ERGIC1: variants seen among roughly 807,000 people sequenced by gnomAD.
The protein encoded by ERGIC1 is endoplasmic reticulum-Golgi intermediate compartment protein 1.
A neutral mutation model predicts 38.3 loss-of-function variants in ERGIC1; 19 were observed. That is an observed-to-expected ratio of 0.50 (90% CI 0.35 to 0.73). ERGIC1 has a LOEUF of 0.73. Among genes scored for constraint, ERGIC1 ranks in the 30% least tolerant of loss-of-function variants. The pLI, the probability that ERGIC1 is intolerant of heterozygous loss-of-function variation, is 0.01. For synonymous variants in ERGIC1, 124 were observed against 157.6 expected (o/e 0.79, Z 1.60); for missense variants, 294 against 389.2 (o/e 0.76, Z 2.06).
intron 3 of ERGIC1, among the ~76,000 whole-genome samples, chr5:172,904,005 A>G (rs1346990786): frequency 6.7e-6 from 1 of 149,962 alleles, no homozygotes; most frequent in Admixed American, 6.6e-5. Context: ...TCACACTAAC[A>G]TACACACACT....
intron 1 of ERGIC1, among the ~76,000 whole-genome samples, chr5:172,855,103 G>A (rs573092369): frequency 2.0e-5 from 3 of 152,254 alleles, no homozygotes; most frequent in African/African-American, 4.8e-5. Flanking sequence ...TTCCCCCAAC[G>A]GACAGTGGTG....
intron 1 of ERGIC1, among the ~76,000 whole-genome samples, chr5:172,865,051 C>CTTTTTTTTTTTTTTTT (rs55657045): frequency 1.1e-5 from 1 of 93,852 alleles, no homozygotes; most frequent in Non-Finnish European, 2.2e-5. Context: ...GAAAGAAATT[C>CTTTTTTTTTTTTTTTT]TTTTTTTTTT....
At chr5:172,889,114 G>A (rs1327357243) in intron 2 of ERGIC1, among the ~76,000 whole-genome samples, 5 of 152,094 alleles carry the variant, frequency 3.3e-5, no homozygotes, top group Non-Finnish European at 5.9e-5. Flanking sequence ...CTGAAACCCC[G>A]TCTCTATTAA....
At chr5:172,863,922 G>A (rs1444356396) in intron 1 of ERGIC1, among the ~76,000 whole-genome samples, 3 of 152,150 alleles carry the variant, frequency 2.0e-5, no homozygotes, top group East Asian at 3.9e-4. Context: ...ATGGCCGGGC[G>A]CGGTGGCTCA....
intron 1 of ERGIC1, among the ~76,000 whole-genome samples, chr5:172,844,676 C>A (rs780844798): frequency 6.6e-6 from 1 of 152,180 alleles, no homozygotes; most frequent in African/African-American, 2.4e-5. Context: ...CCCTCCCACC[C>A]GGGGCCTGGC....
intron 6 of ERGIC1, among the ~76,000 whole-genome samples, chr5:172,925,858 A>C (rs1763638833): frequency 1.3e-5 from 2 of 152,176 alleles, no homozygotes; most frequent in South Asian, 4.1e-4. Flanking sequence ...CCTTGAGGCC[A>C]ACCTGGTTTC....
intron 6 of ERGIC1, 88 bp downstream of exon 6, chr5:172,924,197 A>G: frequency 8.1e-7 from 1 of 1,231,414 alleles, no homozygotes; most frequent in East Asian, 2.5e-5. Flanking sequence ...TCTGGGCACT[A>G]GGAAGAGTTA....
chr5:172,882,647 A>G (rs1443968015), intron 1 of ERGIC1, among the ~76,000 whole-genome samples: 1 of 152,196 alleles, frequency 6.6e-6, no homozygotes. Flanking sequence ...ATGTATGTCA[A>G]AGTGCCCAGC....
chr5:172,939,951 CTTCTCT>C (rs1326820130), intron 9 of ERGIC1, among the ~76,000 whole-genome samples: 2 of 152,244 alleles, frequency 1.3e-5, no homozygotes, highest in Non-Finnish European at 2.9e-5. Context: ...CCTGCTGTGG[CTTCTCT>C]TTCTCTCTTT....
chr5:172,895,427 C>T (rs1762696937), intron 2 of ERGIC1, among the ~76,000 whole-genome samples: 2 of 152,148 alleles, frequency 1.3e-5, no homozygotes, highest in African/African-American at 4.8e-5. Context: ...CTCTTGCCCA[C>T]TAAGTGCCTC....
chr5:172,864,905 G>C (rs1761814732), intron 1 of ERGIC1, among the ~76,000 whole-genome samples: 1 of 152,102 alleles, frequency 6.6e-6, no homozygotes, highest in African/African-American at 2.4e-5. Context: ...TAAGATTCCA[G>C]CCTGGGTCAG....
At chr5:172,858,173 G>A (rs1472859951) in intron 1 of ERGIC1, among the ~76,000 whole-genome samples, 1 of 152,228 alleles carries the variant, frequency 6.6e-6, no homozygotes, top group East Asian at 1.9e-4. Context: ...CCACTGAGAG[G>A]CAGGGAGGCC....
At chr5:172,877,460 T>TA (rs1561713741) in intron 1 of ERGIC1, among the ~76,000 whole-genome samples, 3,591 of 72,720 alleles carry the variant, frequency 0.049, 72 homozygotes, top group Non-Finnish European at 0.06. Flanking sequence ...ATATATATAT[T>TA]TTTTTTTTTT....
Position 172,934,795 on chromosome 5 carries a change from A to G in ERGIC1, c.643-393A>G, listed in dbSNP as rs920727055. The G allele has an allele frequency of 2.2e-5, 6 of 272,762 alleles. No individual in the cohort carries two copies. The Admixed American group carries it at 2.6e-4, about 12-fold the overall frequency. The allele number at this position is 272,762 out of a possible 1,614,324, so 16.9% of individuals were successfully genotyped here. On this transcript the variant is annotated intron_variant, in intron 8 of 9. Coordinates refer to ENST00000393784, the MANE Select transcript of ERGIC1 (RefSeq NM_001031711.3). Reference sequence around the variant, plus strand: ...ACCTCGGGGTCCCCAGCAGCCAGCCATGGGCCACCACAGTGGAGGCGTTCA... The same window carrying G: ...ACCTCGGGGTCCCCAGCAGCCAGCCGTGGGCCACCACAGTGGAGGCGTTCA...
chr5:172,866,112 A>T (rs183102487), intron 1 of ERGIC1, among the ~76,000 whole-genome samples: 1 of 152,320 alleles, frequency 6.6e-6, no homozygotes, highest in East Asian at 1.9e-4. Flanking sequence ...GGTATTGCCG[A>T]GTCCAATTAA....
chr5:172,924,321 A>G (rs1763601586), intron 6 of ERGIC1, among the ~76,000 whole-genome samples: 1 of 152,226 alleles, frequency 6.6e-6, no homozygotes, highest in Admixed American at 6.5e-5. Flanking sequence ...CCTCTCCTAG[A>G]GCGCCCAGCT....
intron 1 of ERGIC1, among the ~76,000 whole-genome samples, chr5:172,845,696 G>T (rs888012159): frequency 6.6e-6 from 1 of 152,182 alleles, no homozygotes; most frequent in Non-Finnish European, 1.5e-5. Context: ...TTACAGAAAA[G>T]CTGCAAAGCT....
intron 1 of ERGIC1, among the ~76,000 whole-genome samples, chr5:172,845,366 G>A (rs772126961): frequency 1.3e-5 from 2 of 152,182 alleles, no homozygotes; most frequent in African/African-American, 2.4e-5. Flanking sequence ...AGCCCCTGCC[G>A]GGGGAGCCAG....
At chr5:172,896,306 G>A (rs2113307058) in intron 2 of ERGIC1, among the ~76,000 whole-genome samples, 1 of 152,322 alleles carries the variant, frequency 6.6e-6, no homozygotes, top group East Asian at 1.9e-4. Flanking sequence ...TTGCGCCACT[G>A]CACTCCAGCC....
Sources: gnomAD v4.1 joint callset for allele counts (sites outside exome capture counted in the v4.1 genomes callset) on GRCh38, gnomAD v4.1.1 for gene constraint, MANE v1.5 for transcripts, NCBI Gene and HGNC (gene_info 2026-07-23, HGNC 2026-07-21) for gene names.